PRMT1: variants seen among roughly 807,000 people sequenced by gnomAD.
PRMT1 encodes protein arginine N-methyltransferase 1.
Under a neutral mutation model 47.4 loss-of-function variants are expected in PRMT1, and 5 were observed. The ratio of observed to expected loss-of-function variants is 0.11; its 90% confidence interval spans 0.06 to 0.22. The LOEUF (loss-of-function observed/expected upper bound fraction) is 0.22. PRMT1 is among the 10% of genes least tolerant of loss of function. PRMT1 has a pLI of 1.00. For missense variants in PRMT1, 249 were observed against 518.4 expected (o/e 0.48, Z 5.05); for synonymous variants, 227 against 204.6 (o/e 1.11, Z -0.94).
Position 49,680,676 on chromosome 19 carries a change from C to A in PRMT1, c.192+88C>A. ...GAACCTGTTTTCCCACGCATGCGCA[C>A]TGCTTCCCCTGGCCGCAGGCCGCCC... is the stretch of plus-strand genomic sequence containing the variant. On this transcript the variant is annotated intron_variant, in intron 3 of 10. Transcript: ENST00000454376. The surrounding 1 kb of genome is among the most constrained non-coding windows in gnomAD (Gnocchi z 4.2). 2 of 1,077,922 alleles carry A rather than the reference C, an allele frequency of 1.9e-6. No homozygotes were observed. Among genetic ancestry groups the A allele is most frequent in the South Asian group, 1.3e-5 (1 of 77,106 alleles). 66.8% of individuals were successfully genotyped at this position (1,077,922 alleles called of 1,614,324 possible). A position where few individuals can be genotyped will look rare whatever the true frequency, so the allele number is the denominator to read the frequency against.
chr19:49,688,042 T>C lies in PRMT1; in HGVS notation c.1033-120T>C. ...TAGGGTGGGACCAGCAGTTGGGGTCTGCAGCGTGGAGATGGGCAGGAAGCT... is the reference window on the plus strand; with the variant it reads ...TAGGGTGGGACCAGCAGTTGGGGTCCGCAGCGTGGAGATGGGCAGGAAGCT... On this transcript the variant is annotated intron_variant, in intron 10 of 10. Coordinates refer to ENST00000454376, the MANE Select transcript of PRMT1 (RefSeq NM_001536.6). The surrounding 1 kb of genome is among the most constrained non-coding windows in gnomAD (Gnocchi z 5.3). The C allele has an allele frequency of 1.1e-6, 1 of 911,300 alleles. No individual in the cohort carries two copies. The highest frequency in any genetic ancestry group is 1.8e-6 in the Non-Finnish European group (1 of 548,408). The allele number at this position is 911,300 out of a possible 1,614,324, so 56.5% of individuals were successfully genotyped here. A position where few individuals can be genotyped will look rare whatever the true frequency, so the allele number is the denominator to read the frequency against.
Position 49,677,332 on chromosome 19 carries a change from G to T in PRMT1, c.36+16G>T. On this transcript the variant is annotated intron_variant, in intron 1 of 10. Coordinates refer to ENST00000454376, the MANE Select transcript of PRMT1 (RefSeq NM_001536.6). ...CATCATGGAGGTGAGCGCTTGGAGC[G>T]CCGCCGTGGGCGGGAGGCGGCTTTG... is the stretch of plus-strand genomic sequence containing the variant. The T allele has an allele frequency of 7.2e-7, 1 of 1,390,256 alleles. No homozygotes were observed. 86.1% of individuals were successfully genotyped at this position (1,390,256 alleles called of 1,614,324 possible). A position where few individuals can be genotyped will look rare whatever the true frequency, so the allele number is the denominator to read the frequency against.
rs2122958137 is a variant in PRMT1 at position 49,681,207 on chromosome 19, G to A, written c.192+619G>A. ...TGGGACCACAGGCGCGCGCCACCAC[G>A]CCCAGCTGATGTTCTTATTTTTCTG... On this transcript the variant is annotated intron_variant, in intron 3 of 10. Transcript: ENST00000454376. The surrounding 1 kb of genome is among the most constrained non-coding windows in gnomAD (Gnocchi z 4.4). Among the ~76,000 whole-genome samples, 1 of 152,066 alleles carries A rather than the reference G, an allele frequency of 6.6e-6. No homozygotes were observed. Among genetic ancestry groups the A allele is most frequent in the East Asian group, 1.9e-4 (1 of 5,144 alleles).
intron 4 of PRMT1, 24 bp from the exon 5 acceptor site, chr19:49,682,172 C>T: frequency 1.2e-6 from 2 of 1,614,014 alleles, no homozygotes; most frequent in South Asian, 1.1e-5. Context: ...TGGGTCTCAC[C>T]CTCCCTTCTT....
intron 1 of PRMT1, 50 bp from the exon 2 acceptor site, chr19:49,679,822 C>T: frequency 6.7e-7 from 1 of 1,497,720 alleles, no homozygotes; most frequent in Non-Finnish European, 9.3e-7. Context: ...CCCAGCCCTC[C>T]CACAGCCACT....
Position 49,680,775 on chromosome 19 carries a change from ATC to A in PRMT1, c.192+191_192+192del, listed in dbSNP as rs1218295505. ...GCCTTGGAGACCGAGGTTAGCCTGA[ATC>A]TCTGCAGGGGCCTCGCGCCGAAGGC... is the stretch of plus-strand genomic sequence containing the variant. On this transcript the variant is annotated intron_variant, in intron 3 of 10. Transcript: ENST00000454376. The surrounding 1 kb of genome is among the most constrained non-coding windows in gnomAD (Gnocchi z 4.2). 3.3e-5 allele frequency among the ~76,000 whole-genome samples: 5 copies of A among 152,220 alleles called. No individual in the cohort carries two copies. The highest frequency in any genetic ancestry group is 7.3e-5 in the Non-Finnish European group (5 of 68,036).
rs1400512847 is a variant in PRMT1, at chr19:49,685,215, G to A, written c.759+178G>A. 1 of 1,527,778 alleles carries A rather than the reference G, an allele frequency of 6.5e-7. No individual in the cohort carries two copies. The highest frequency in any genetic ancestry group is 2.5e-5 in the East Asian group (1 of 40,680). 94.6% of individuals were successfully genotyped at this position (1,527,778 alleles called of 1,614,324 possible). A position where few individuals can be genotyped will look rare whatever the true frequency, so the allele number is the denominator to read the frequency against. ...GACACTTCGTCCTTTAAATATCTTT[G>A]TGAGCGCTGCTGTGTGAGAACCATG... On this transcript the variant is annotated intron_variant, in intron 8 of 10. Coordinates refer to ENST00000454376, the MANE Select transcript of PRMT1 (RefSeq NM_001536.6). This position sits in a 1 kb window ranked among gnomAD's most constrained non-coding sequence, Gnocchi z 4.7.
rs935499646 is a variant in PRMT1, at chr19:49,680,429, T to G, written c.91-58T>G. ...CAGGGAAAAGTAGGGCGCTGGAGGT[T>G]TAAGAGGCTGTGGGGAGCCCCCAGA... On this transcript the variant is annotated intron_variant, in intron 2 of 10. Transcript: ENST00000454376. The surrounding 1 kb of genome is among the most constrained non-coding windows in gnomAD (Gnocchi z 4.2). 7.1e-7 allele frequency: 1 copy of G among 1,414,464 alleles called. No homozygotes were observed. 87.6% of individuals were successfully genotyped at this position (1,414,464 alleles called of 1,614,324 possible).
chr19:49,687,529 G>A (rs1454859741), intron 10 of PRMT1, among the ~76,000 whole-genome samples: 3 of 137,362 alleles, frequency 2.2e-5, no homozygotes, highest in East Asian at 2.1e-4. Context: ...CCCCCAGGAC[G>A]TTTGCCACCG....
At position 49,688,320 on chromosome 19, in the gene PRMT1, C is replaced by G; in HGVS notation, c.*75C>G. 1 of 1,433,664 alleles carries G rather than the reference C, an allele frequency of 7.0e-7. No homozygotes were observed. Among genetic ancestry groups the G allele is most frequent in the Non-Finnish European group, 9.8e-7 (1 of 1,023,058 alleles). 88.8% of individuals were successfully genotyped at this position (1,433,664 alleles called of 1,614,324 possible). On this transcript the variant is annotated 3_prime_UTR_variant, in exon 11 of 11. Coordinates refer to ENST00000454376, the MANE Select transcript of PRMT1 (RefSeq NM_001536.6). This position sits in a 1 kb window ranked among gnomAD's most constrained non-coding sequence, Gnocchi z 5.3. ...CGGTTTCGGGGCTCCCCCTTCCTCT[C>G]CCTCCCTCCCGCAGAAGGGGGTTTT...
intron 5 of PRMT1, 86 bp from the exon 6 acceptor site, chr19:49,683,841 G>T (rs962003588): frequency 1.1e-5 from 16 of 1,487,880 alleles, no homozygotes; most frequent in Middle Eastern, 1.8e-4. Flanking sequence ...AACTGAAGTG[G>T]GGTCCCCAGG....
rs143560194 is a variant in PRMT1, at chr19:49,688,136, C to T, written c.1033-26C>T. On this transcript the variant is annotated intron_variant, in intron 10 of 10. Coordinates refer to ENST00000454376, the MANE Select transcript of PRMT1 (RefSeq NM_001536.6). The surrounding 1 kb of genome is among the most constrained non-coding windows in gnomAD (Gnocchi z 5.3). ...CGCCACCACCTCCTGGTGGGTTCCG[C>T]CCTCATGCCCCACCTCTCCCTGCAG... 237 of 1,608,518 alleles carry T rather than the reference C, an allele frequency of 1.5e-4. 1 individual carries two copies. The African/African-American group carries it at 2.9e-3, about 20-fold the overall frequency.
chr19:49,688,271 G>A lies in PRMT1; in HGVS notation c.*26G>A, dbSNP rs751611807. On this transcript the variant is annotated 3_prime_UTR_variant, in exon 11 of 11. Transcript: ENST00000454376. The surrounding 1 kb of genome is among the most constrained non-coding windows in gnomAD (Gnocchi z 5.3). Reference sequence around the variant, plus strand: ...GGCCCGGCTCTCCCGCCCTGCACGAGCCCAGGGGCTGAGCGTTCCTAGGCG... The same window carrying A: ...GGCCCGGCTCTCCCGCCCTGCACGAACCCAGGGGCTGAGCGTTCCTAGGCG... 89 of 1,610,172 alleles carry A rather than the reference G, an allele frequency of 5.5e-5. No individual in the cohort carries two copies. In the Admixed American group the frequency reaches 1.5e-3, roughly 26 times the overall value.
Position 49,685,486 on chromosome 19 carries a change from G to C in PRMT1, c.759+449G>C. ...GATCACATCACTGCACTCCAGCTTT[G>C]GTGACAATGTTTTGTTTTGTTTTTT... On this transcript the variant is annotated intron_variant, in intron 8 of 10. Transcript: ENST00000454376. The surrounding 1 kb of genome is among the most constrained non-coding windows in gnomAD (Gnocchi z 4.7). The C allele has an allele frequency of 9.7e-7, 1 of 1,032,054 alleles. No homozygotes were observed. The highest frequency in any genetic ancestry group is 1.2e-6 in the Non-Finnish European group (1 of 858,154). 63.9% of individuals were successfully genotyped at this position (1,032,054 alleles called of 1,614,324 possible). A position where few individuals can be genotyped will look rare whatever the true frequency, so the allele number is the denominator to read the frequency against.
chr19:49,683,987 T>A lies in PRMT1; in HGVS notation c.473T>A (p.Ile158Asn). 6.2e-7 allele frequency: 1 copy of A among 1,614,002 alleles called. No homozygotes were observed. Among genetic ancestry groups the A allele is most frequent in the Non-Finnish European group, 8.5e-7 (1 of 1,179,980 alleles). The stretch of plus-strand genomic sequence containing the variant: ...GAGCTCCCAGTGGAGAAGGTGGACA[T>A]CATCATCAGCGAGTGGATGGGCTAC... ...EVELPVEKVD[I>N]IISEWMGYCL... The change falls in exon 6 of 11, where the codon ATC (isoleucine) becomes AAC (asparagine). Residue 158 changes from isoleucine to asparagine, a missense_variant. Transcript: ENST00000454376.
Position 49,680,712 on chromosome 19 carries a change from C to G in PRMT1, c.192+124C>G. 1 of 774,160 alleles carries G rather than the reference C, an allele frequency of 1.3e-6. No individual in the cohort carries two copies. Among genetic ancestry groups the G allele is most frequent in the South Asian group, 1.6e-5 (1 of 62,760 alleles). 48.0% of individuals were successfully genotyped at this position (774,160 alleles called of 1,614,324 possible). On this transcript the variant is annotated intron_variant, in intron 3 of 10. Transcript: ENST00000454376. This position sits in a 1 kb window ranked among gnomAD's most constrained non-coding sequence, Gnocchi z 4.2. ...GGCCGCAGGCCGCCCCCCTGCCCCTCTGCTGCGCACTTCCTAGGGTCGCCT... is the reference window on the plus strand; with the variant it reads ...GGCCGCAGGCCGCCCCCCTGCCCCTGTGCTGCGCACTTCCTAGGGTCGCCT...
chr19:49,687,762 T>G (rs890670618), intron 10 of PRMT1: 3 of 262,668 alleles, frequency 1.1e-5, no homozygotes, highest in Non-Finnish European at 2.3e-5. Context: ...TGCTGGAGGG[T>G]ATGGGGGGAG....
In PRMT1 at chr19:49,688,279, GC is replaced by G; in HGVS notation, c.*35del. ...TCTCCCGCCCTGCACGAGCCCAGGG[GC>G]TGAGCGTTCCTAGGCGGTTTCGGGG... On this transcript the variant is annotated 3_prime_UTR_variant, in exon 11 of 11. Transcript: ENST00000454376. The surrounding 1 kb of genome is among the most constrained non-coding windows in gnomAD (Gnocchi z 5.3). 1 of 1,605,830 alleles carries G rather than the reference GC, an allele frequency of 6.2e-7. No individual in the cohort carries two copies. The highest frequency in any genetic ancestry group is 8.5e-7 in the Non-Finnish European group (1 of 1,173,758).
At chr19:49,677,743 G>A in intron 1 of PRMT1, 1 of 158,750 alleles carries the variant, frequency 6.3e-6, no homozygotes, top group Non-Finnish European at 1.4e-5. Context: ...CCTCCCCGGG[G>A]ACCTGGGCAC....
Sources: allele counts gnomAD v4.1 joint callset (sites outside exome capture counted in the v4.1 genomes callset), GRCh38; gene constraint gnomAD v4.1.1; non-coding constraint Gnocchi (gnomAD v3.1); transcripts MANE v1.5; gene names NCBI Gene and HGNC (gene_info 2026-07-23, HGNC 2026-07-21).